S100Z: variants seen among roughly 807,000 people sequenced by gnomAD.
S100Z encodes S100 calcium binding protein Z.
A neutral mutation model predicts 8.5 loss-of-function variants in S100Z; 11 were observed. The ratio of observed to expected loss-of-function variants is 1.30; its 90% CI spans 0.82 to 2.15. The LOEUF is 2.15. Ranked by LOEUF, S100Z falls within the 30% of genes most tolerant of loss-of-function variation. The pLI is 0.00. For synonymous variants in S100Z, 34 were observed against 43.8 expected (o/e 0.78, Z 0.89); for missense variants, 126 against 117.9 (o/e 1.07, Z -0.32).
At chr5:76,867,974 C>T (rs1742844020) in intron 1 of S100Z, among the ~76,000 whole-genome samples, 1 of 152,220 alleles carries the variant, frequency 6.6e-6, no homozygotes, top group South Asian at 2.1e-4. Flanking sequence ...GGCTATGACT[C>T]ATACCAAAAT....
chr5:76,935,875 C>G, the S100Z span, among the ~76,000 whole-genome samples: 1 of 151,610 alleles, frequency 6.6e-6, no homozygotes, highest in African/African-American at 2.4e-5. Context: ...GTCCTGGGTT[C>G]AAGCAATTTT....
chr5:76,939,395 G>T, the S100Z span, among the ~76,000 whole-genome samples: 2 of 151,206 alleles, frequency 1.3e-5, no homozygotes, highest in East Asian at 2.0e-4. Flanking sequence ...CTCGTGATCC[G>T]CCTGCCTCGG....
chr5:76,943,375 G>A, the S100Z span, among the ~76,000 whole-genome samples: 1 of 152,166 alleles, frequency 6.6e-6, no homozygotes, highest in African/African-American at 2.4e-5. Flanking sequence ...CAGGCTGAAG[G>A]CATTTTGCTT....
chr5:76,865,860 A>T (rs1420439410), intron 1 of S100Z, among the ~76,000 whole-genome samples: 2 of 150,336 alleles, frequency 1.3e-5, no homozygotes, highest in Non-Finnish European at 3.0e-5. Flanking sequence ...TAAAAATAAA[A>T]AAAAATTAGC....
At chr5:76,926,196 T>G (rs1487223061), downstream of S100Z, among the ~76,000 whole-genome samples, 1 of 152,064 alleles carries the variant, frequency 6.6e-6, no homozygotes, top group African/African-American at 2.4e-5. Flanking sequence ...TACTCTGGCC[T>G]AACTGCAGAT....
chr5:76,851,619 C>T (rs947413758), intron 1 of S100Z, among the ~76,000 whole-genome samples: 17 of 152,082 alleles, frequency 1.1e-4, no homozygotes, highest in African/African-American at 4.1e-4. Flanking sequence ...GGGATCCCCT[C>T]TGGGGTAGAG....
intron 4 of S100Z, among the ~76,000 whole-genome samples, chr5:76,919,530 C>G: frequency 2.7e-5 from 1 of 36,824 alleles, no homozygotes; most frequent in East Asian, 9.1e-4. Context: ...CTCCCTTCCT[C>G]CCTCCCTCCC....
intron 3 of S100Z, among the ~76,000 whole-genome samples, chr5:76,875,751 A>G (rs894809876): frequency 1.8e-4 from 28 of 152,302 alleles, no homozygotes; most frequent in African/African-American, 5.5e-4. Context: ...ACTTTCACCA[A>G]TTAACATTCT....
intron 4 of S100Z, among the ~76,000 whole-genome samples, chr5:76,887,884 G>A (rs1251590313): frequency 1.3e-5 from 2 of 152,152 alleles, no homozygotes; most frequent in African/African-American, 4.8e-5. Flanking sequence ...AATTTAGAGG[G>A]CAGAACATTT....
chr5:76,884,328 G>C (rs1743522551), intron 4 of S100Z, among the ~76,000 whole-genome samples: 1 of 152,136 alleles, frequency 6.6e-6, no homozygotes, highest in Non-Finnish European at 1.5e-5. Flanking sequence ...AGCTATACCT[G>C]GGGAATCTGC....
At chr5:76,888,796 T>C (rs1345699820) in intron 4 of S100Z, among the ~76,000 whole-genome samples, 8 of 152,186 alleles carry the variant, frequency 5.3e-5, no homozygotes, top group African/African-American at 1.7e-4. Context: ...CAACCTCTGA[T>C]ATGCAAATGA....
the S100Z span, among the ~76,000 whole-genome samples, chr5:76,945,126 A>G: frequency 6.6e-6 from 1 of 152,192 alleles, no homozygotes; most frequent in Non-Finnish European, 1.5e-5. Flanking sequence ...GTTGTATGGA[A>G]TCAAGGTTTA....
At chr5:76,938,071 G>A in the S100Z span, among the ~76,000 whole-genome samples, 2 of 151,550 alleles carry the variant, frequency 1.3e-5, no homozygotes, top group African/African-American at 4.9e-5. Context: ...TCCAACCTGG[G>A]CAACAGTATG....
At chr5:76,877,515 G>A (rs948803972) in intron 3 of S100Z, among the ~76,000 whole-genome samples, 159 bp from the exon 4 acceptor site, 9 of 152,308 alleles carry the variant, frequency 5.9e-5, no homozygotes, top group East Asian at 5.8e-4. Context: ...TTTAGAATTC[G>A]TGGCTGGTTT....
At chr5:76,869,350 G>C (rs1373999519) in intron 1 of S100Z, among the ~76,000 whole-genome samples, 1 of 152,220 alleles carries the variant, frequency 6.6e-6, no homozygotes, top group Non-Finnish European at 1.5e-5. Context: ...TCAGAGATGG[G>C]GGGATGTGGG....
the S100Z span, among the ~76,000 whole-genome samples, chr5:76,940,155 C>CAAAAAAA: frequency 8.6e-6 from 1 of 116,828 alleles, no homozygotes; most frequent in Non-Finnish European, 1.7e-5. Context: ...GACTCCATCT[C>CAAAAAAA]AAAAAAAAAA....
intron 1 of S100Z, among the ~76,000 whole-genome samples, chr5:76,866,846 C>T (rs1433197180): frequency 6.6e-6 from 1 of 152,172 alleles, no homozygotes; most frequent in Non-Finnish European, 1.5e-5. Context: ...TAACACAGGA[C>T]TATTTCATTT....
the S100Z span, among the ~76,000 whole-genome samples, chr5:76,943,572 G>A: frequency 6.6e-6 from 1 of 152,108 alleles, no homozygotes; most frequent in Non-Finnish European, 1.5e-5. Flanking sequence ...TACCCATTCG[G>A]TGCCCAGGAG....
intron 4 of S100Z, among the ~76,000 whole-genome samples, chr5:76,886,867 G>C (rs1053809595): frequency 1.3e-5 from 2 of 152,156 alleles, no homozygotes; most frequent in East Asian, 3.8e-4. Context: ...TGATCAGTTA[G>C]GGTGGGGCAG....
Sources: allele counts gnomAD v4.1 joint callset (sites outside exome capture counted in the v4.1 genomes callset), GRCh38; gene constraint gnomAD v4.1.1; transcripts MANE v1.5; gene names NCBI Gene and HGNC (gene_info 2026-07-23, HGNC 2026-07-21).